The following ADAMTS20 variants were observed in gnomAD, a reference collection of about 807,000 sequenced individuals.
ADAMTS20 encodes ADAM metallopeptidase with thrombospondin type 1 motif 20.
A neutral mutation model predicts 260.1 loss-of-function variants in ADAMTS20; 225 were observed. The ratio of observed to expected loss-of-function variants is 0.87; its 90% CI spans 0.78 to 0.97. The LOEUF (loss-of-function observed/expected upper bound fraction) is 0.97. Ranked by LOEUF, ADAMTS20 falls within the 50% of genes least tolerant of loss-of-function variation. ADAMTS20 has a pLI of 0.00. For synonymous variants in ADAMTS20, 802 were observed against 769.5 expected (o/e 1.04, Z -0.70); for missense variants, 2,400 against 2,337.7 (o/e 1.03, Z -0.55).
chr12:43,376,026 A>T (rs2137211665), intron 35 of ADAMTS20, 31 bp downstream of exon 35: 1 of 1,511,348 alleles, frequency 6.6e-7, no homozygotes, highest in East Asian at 2.3e-5. Flanking sequence ...GACCATGAAA[A>T]TGCTCAGATA....
chr12:43,373,074 G>C (rs1940141160), intron 36 of ADAMTS20, among the ~76,000 whole-genome samples: 1 of 152,242 alleles, frequency 6.6e-6, no homozygotes, highest in African/African-American at 2.4e-5. Context: ...GTTTAAAATG[G>C]TATCAGTCAG....
intron 28 of ADAMTS20, among the ~76,000 whole-genome samples, chr12:43,417,065 GGA>G (rs1458996489): frequency 6.6e-6 from 1 of 152,118 alleles, no homozygotes; most frequent in Non-Finnish European, 1.5e-5. Flanking sequence ...AGTCCTTTGA[GGA>G]GAGTATGCCA....
In ADAMTS20 at chr12:43,452,615, G is replaced by A. The variant is rs568540005; in HGVS notation, c.1841C>T (p.Thr614Ile). 8.1e-6 allele frequency: 13 copies of A among 1,613,344 alleles called. No homozygotes were observed. The highest frequency in any genetic ancestry group is 4.5e-5 in the East Asian group (2 of 44,856). Residue 614 changes from threonine (T) to isoleucine (I), a missense_variant, in exon 13 of 39, where the codon ACA becomes ATA. Physicochemically the swap from Thr to Ile is moderately conservative, Grantham distance 89. Transcript: ENST00000389420. ...GCACTGCTTCTCTCGAAAGTCTTGT[G>A]TGCCTTTTGGACATGAATCAGTATT... ...SCNTDSCPKG[T>I]QDFREKQCSD...
intron 29 of ADAMTS20, among the ~76,000 whole-genome samples, chr12:43,386,804 C>A (rs778039895): frequency 2.0e-5 from 3 of 152,172 alleles, no homozygotes; most frequent in Non-Finnish European, 4.4e-5. Context: ...GTATGCTTCA[C>A]GAAGTTCTCG....
intron 11 of ADAMTS20, among the ~76,000 whole-genome samples, chr12:43,458,859 A>G (rs917647829): frequency 6.6e-6 from 1 of 152,206 alleles, no homozygotes; most frequent in African/African-American, 2.4e-5. Flanking sequence ...TGGGAAGGTA[A>G]CTGCATCCAC....
Position 43,431,366 on chromosome 12 carries a change from G to GC in ADAMTS20, c.3226_3227insG (p.Thr1076SerfsTer27), listed in dbSNP as rs1436598068. ...TGGTCCTACTTGCCAGGAAGCACAT[G>GC]TATGAAGTTCACATGGACTCAGAGA... On this transcript the variant is annotated frameshift_variant, in exon 22 of 39. Transcript: ENST00000389420. LOFTEE classifies it high-confidence loss of function. The GC allele has an allele frequency of 6.2e-7, 1 of 1,613,826 alleles. No homozygotes were observed. Among genetic ancestry groups the GC allele is most frequent in the African/African-American group, 1.3e-5 (1 of 74,918 alleles).
chr12:43,492,577 G>A lies in ADAMTS20; in HGVS notation c.1004C>T (p.Ser335Leu). Residue 335 changes from serine to leucine, a missense_variant, in exon 6 of 39, where the codon TCA (serine) becomes TTA (leucine). By Grantham distance (145) the Ser-to-Leu change is moderately radical (BLOSUM62 -2). Transcript: ENST00000389420. ...DGATTLKNFCSWQQTQNDLDD... is the reference protein window; with the variant it reads ...DGATTLKNFCLWQQTQNDLDD... Reference sequence around the variant, plus strand: ...AAGGTCATTCTGAGTTTGTTGCCATGAACAAAAGTTCTTTAATGTGGTAGC... The same window carrying A: ...AAGGTCATTCTGAGTTTGTTGCCATAAACAAAAGTTCTTTAATGTGGTAGC... 1.2e-6 allele frequency: 2 copies of A among 1,613,734 alleles called. No homozygotes were observed. Among genetic ancestry groups the A allele is most frequent in the African/African-American group, 2.7e-5 (2 of 75,018 alleles).
chr12:43,367,180 C>A (rs527788243), intron 37 of ADAMTS20, among the ~76,000 whole-genome samples: 88 of 151,898 alleles, frequency 5.8e-4, no homozygotes, highest in African/African-American at 2.1e-3. Context: ...GGAAAAAACA[C>A]GTCCCGCTAC....
intron 37 of ADAMTS20, among the ~76,000 whole-genome samples, chr12:43,366,187 C>T (rs1040273830): frequency 4.6e-5 from 7 of 151,608 alleles, no homozygotes; most frequent in Admixed American, 3.9e-4. Flanking sequence ...CTGGAGTGGC[C>T]ACACTAGTAT....
At chr12:43,485,346 G>A (rs1942507348) in intron 7 of ADAMTS20, among the ~76,000 whole-genome samples, 1 of 152,018 alleles carries the variant, frequency 6.6e-6, no homozygotes, top group Admixed American at 6.6e-5. Flanking sequence ...AATAGATTCA[G>A]AAAAAGAACT....
intron 31 of ADAMTS20, among the ~76,000 whole-genome samples, chr12:43,378,044 G>A (rs929409779): frequency 1.3e-5 from 2 of 152,090 alleles, no homozygotes; most frequent in African/African-American, 2.4e-5. Flanking sequence ...GTAAATTAAA[G>A]CCCCAATCCA....
At chr12:43,483,113 A>G (rs188184451) in intron 7 of ADAMTS20, among the ~76,000 whole-genome samples, 2 of 152,294 alleles carry the variant, frequency 1.3e-5, no homozygotes, top group East Asian at 3.9e-4. Context: ...CACCTCCATC[A>G]GAGCTGGTAC....
At chr12:43,481,963 C>G (rs1005677008) in intron 7 of ADAMTS20, among the ~76,000 whole-genome samples, 2 of 152,066 alleles carry the variant, frequency 1.3e-5, no homozygotes, top group Non-Finnish European at 2.9e-5. Context: ...TTGGGGAGAG[C>G]CTGCCACCGT....
intron 31 of ADAMTS20, among the ~76,000 whole-genome samples, chr12:43,382,117 G>C (rs193102919): frequency 3.9e-5 from 6 of 152,174 alleles, no homozygotes; most frequent in Admixed American, 3.9e-4. Context: ...ATGATACCCA[G>C]CTATTCTATC....
chr12:43,489,150 T>C (rs2137425875), intron 7 of ADAMTS20, among the ~76,000 whole-genome samples: 1 of 152,106 alleles, frequency 6.6e-6, no homozygotes, highest in East Asian at 1.9e-4. Flanking sequence ...GATTTAAATG[T>C]TAAAGGACAA....
rs1358913384 is a variant in ADAMTS20 at position 43,431,322 on chromosome 12, A to G, written c.3261+10T>C. On this transcript the variant is annotated intron_variant, in intron 22 of 38. Transcript: ENST00000389420. ...AGATCAAATTAGAAAAACCCATATC[A>G]TATACTCACAGGACCCCATGGTCCT... 1.2e-6 allele frequency: 2 copies of G among 1,612,924 alleles called. No individual in the cohort carries two copies. The highest frequency in any genetic ancestry group is 2.2e-5 in the East Asian group (1 of 44,842).
chr12:43,360,509 G>C (rs1033049733), intron 37 of ADAMTS20, among the ~76,000 whole-genome samples: 1 of 151,982 alleles, frequency 6.6e-6, no homozygotes, highest in Non-Finnish European at 1.5e-5. Context: ...CATAAAAAGA[G>C]AGTAGGGGTA....
Position 43,432,745 on chromosome 12 carries a change from G to A in ADAMTS20, c.2787C>T (p.Ile929=). ...CATGAATGGAATACTTCATGCAATG[G>A]ATGTCCAAGGTTCTATATCCTTGAC... ...QCGQGYRTLD[I]HCMKYSIHEG... is the part of the protein sequence containing the mutation. Residue 929 remains isoleucine, a synonymous_variant, in exon 20 of 39, where the codon ATC becomes ATT. Coordinates refer to ENST00000389420, the MANE Select transcript of ADAMTS20 (RefSeq NM_025003.5). 6.2e-7 allele frequency: 1 copy of A among 1,613,896 alleles called. No individual in the cohort carries two copies. The highest frequency in any genetic ancestry group is 1.3e-5 in the African/African-American group (1 of 75,020).
chr12:43,434,682 A>C (rs1262384705), intron 18 of ADAMTS20, among the ~76,000 whole-genome samples: 1 of 152,222 alleles, frequency 6.6e-6, no homozygotes, highest in Non-Finnish European at 1.5e-5. Context: ...AGCTAAGGAC[A>C]GCACTGTTGC....
Sources: allele counts gnomAD v4.1 joint callset (sites outside exome capture counted in the v4.1 genomes callset), GRCh38; gene constraint gnomAD v4.1.1; transcripts MANE v1.5; gene names NCBI Gene and HGNC (gene_info 2026-07-23, HGNC 2026-07-21).